The following SORCS2 variants were observed in gnomAD, a reference collection of about 807,000 sequenced individuals.
SORCS2 encodes the protein VPS10 domain-containing receptor SorCS2.
A neutral mutation model predicts 141.6 loss-of-function variants in SORCS2; 100 were observed. The ratio of observed to expected loss-of-function variants is 0.71; its 90% CI spans 0.60 to 0.83. The LOEUF (loss-of-function observed/expected upper bound fraction) is 0.83. Among genes scored for constraint, SORCS2 ranks in the 40% least tolerant of loss-of-function variants. The pLI is 0.00. For synonymous variants in SORCS2, 789 were observed against 676.9 expected, an observed-to-expected ratio of 1.17 and a Z score of -2.57; for missense variants, 1,646 against 1,560.2, an observed-to-expected ratio of 1.05 and a Z score of -0.93.
intron 1 of SORCS2, among the ~76,000 whole-genome samples, chr4:7,245,398 C>T (rs937322574): frequency 1.3e-5 from 2 of 152,236 alleles, no homozygotes; most frequent in South Asian, 2.1e-4. Context: ...CGTTTCAGGA[C>T]TGATATGGAA....
intron 3 of SORCS2, among the ~76,000 whole-genome samples, chr4:7,543,671 TCCATCCAC>T (rs1577723638): frequency 1.5e-4 from 15 of 102,758 alleles, no homozygotes; most frequent in East Asian, 1.4e-3. Context: ...CACCCATCCA[TCCATCCAC>T]CCATCCACCC....
chr4:7,245,720 G>T (rs1025807547), intron 1 of SORCS2, among the ~76,000 whole-genome samples: 1 of 152,196 alleles, frequency 6.6e-6, no homozygotes, highest in Non-Finnish European at 1.5e-5. Context: ...TGGGGCAAGC[G>T]CTTGGTGAGT....
At chr4:7,350,985 C>T (rs1046698210) in intron 1 of SORCS2, among the ~76,000 whole-genome samples, 10 of 152,130 alleles carry the variant, frequency 6.6e-5, no homozygotes, top group African/African-American at 2.4e-4. Context: ...CACACGTGGT[C>T]GGGGTGGGGC....
Position 7,434,153 on chromosome 4 carries a change from G to A in SORCS2, c.548+37798G>A, listed in dbSNP as rs376998504. 216 of 1,613,834 alleles carry A rather than the reference G, an allele frequency of 1.3e-4. No homozygotes were observed. The highest frequency in any genetic ancestry group is 1.8e-4 in the Non-Finnish European group (210 of 1,179,882). On this transcript the variant is annotated intron_variant, in intron 2 of 26. Coordinates refer to ENST00000507866, the MANE Select transcript of SORCS2 (RefSeq NM_020777.3). ...CCCTTCCTGCAGAGCTCCTGCGGGGGGAGAAGCCTCAGTGCTTGGTCAGCA... is the reference window on the plus strand; with the variant it reads ...CCCTTCCTGCAGAGCTCCTGCGGGGAGAGAAGCCTCAGTGCTTGGTCAGCA...
At chr4:7,524,341 G>C (rs10937833) in intron 2 of SORCS2, among the ~76,000 whole-genome samples, 37,680 of 151,994 alleles carry the variant, frequency 0.25, 4,907 homozygotes, top group Middle Eastern at 0.31. Flanking sequence ...GGAGCCTCCA[G>C]AGGGAGCTCA....
rs192072022 is a variant in SORCS2, at chr4:7,392,988, C to T, written c.481-3300C>T. Among the ~76,000 whole-genome samples, 17 of 152,238 alleles carry T rather than the reference C, an allele frequency of 1.1e-4. No individual in the cohort carries two copies. The East Asian group carries it at 1.9e-3, about 17-fold the overall frequency. ...GATTTGGAACCCAGCACCCTGGCTC[C>T]CTGGCCCATTTGGTGACATGGCTTT... On this transcript the variant is annotated intron_variant, in intron 1 of 26. Coordinates refer to ENST00000507866, the MANE Select transcript of SORCS2 (RefSeq NM_020777.3).
At chr4:7,206,045 CAAAACAAAAACA>C (rs537967545) in intron 1 of SORCS2, among the ~76,000 whole-genome samples, 3 of 151,822 alleles carry the variant, frequency 2.0e-5, no homozygotes, top group Admixed American at 6.6e-5. Flanking sequence ...GACTCCATCT[CAAAACAAAAACA>C]AAAACAAAAA....
At chr4:7,662,093 C>T (rs1295275265) in intron 6 of SORCS2, among the ~76,000 whole-genome samples, 2 of 152,170 alleles carry the variant, frequency 1.3e-5, no homozygotes, top group Non-Finnish European at 1.5e-5. Context: ...GGCCCGAGGC[C>T]AGTCACCCCA....
intron 3 of SORCS2, among the ~76,000 whole-genome samples, chr4:7,610,182 G>A (rs1020272049): frequency 6.6e-5 from 10 of 152,184 alleles, no homozygotes; most frequent in South Asian, 2.1e-4. Context: ...AATGTGTTCC[G>A]AAGATGCAAT....
chr4:7,358,016 C>T (rs974213631), intron 1 of SORCS2, among the ~76,000 whole-genome samples: 2 of 152,178 alleles, frequency 1.3e-5, no homozygotes, highest in African/African-American at 2.4e-5. Flanking sequence ...TATTTGTGTA[C>T]CCCCCATTCC....
intron 3 of SORCS2, among the ~76,000 whole-genome samples, chr4:7,581,789 T>C (rs1716174741): frequency 6.6e-6 from 1 of 152,242 alleles, no homozygotes; most frequent in Non-Finnish European, 1.5e-5. Context: ...AGAGTCTGGA[T>C]GCTAGGCCCT....
intron 3 of SORCS2, among the ~76,000 whole-genome samples, chr4:7,572,411 T>A (rs1715464608): frequency 6.7e-6 from 1 of 148,940 alleles, no homozygotes; most frequent in African/African-American, 2.6e-5. Flanking sequence ...CGTTTAATCA[T>A]TTAAACGTAA....
intron 2 of SORCS2, among the ~76,000 whole-genome samples, chr4:7,464,014 G>A (rs974387304): frequency 5.9e-5 from 9 of 152,194 alleles, no homozygotes; most frequent in Non-Finnish European, 2.9e-5. Context: ...GGAACTGACT[G>A]TGAACCCAAG....
intron 25 of SORCS2, among the ~76,000 whole-genome samples, chr4:7,735,848 C>T (rs1168224854): frequency 2.6e-5 from 4 of 152,220 alleles, no homozygotes; most frequent in African/African-American, 4.8e-5. Context: ...AGCCTATATC[C>T]CATGGCCACT....
At chr4:7,616,884 GT>G (rs2108819534) in intron 3 of SORCS2, among the ~76,000 whole-genome samples, 1 of 152,304 alleles carries the variant, frequency 6.6e-6, no homozygotes, top group African/African-American at 2.4e-5. Context: ...CTCTGCGATG[GT>G]GCAGACTGCT....
At position 7,704,950 on chromosome 4, in the gene SORCS2, C is replaced by T. The variant is rs75790302; in HGVS notation, c.1868+666C>T. Among the ~76,000 whole-genome samples the T allele has an allele frequency of 6.2e-3, 942 of 152,240 alleles. 21 individuals carry two copies. In the East Asian group the frequency reaches 0.073, roughly 12 times the overall value. On this transcript the variant is annotated intron_variant, in intron 14 of 26. Coordinates refer to ENST00000507866, the MANE Select transcript of SORCS2 (RefSeq NM_020777.3). ...GCTCCTGCGACCCCGCGCTGTGGCACGGTGAGGCCACCGTGTCCTCTTCCT... is the reference window on the plus strand; with the variant it reads ...GCTCCTGCGACCCCGCGCTGTGGCATGGTGAGGCCACCGTGTCCTCTTCCT...
intron 2 of SORCS2, among the ~76,000 whole-genome samples, chr4:7,426,684 CT>C (rs1240889575): frequency 6.6e-6 from 1 of 152,138 alleles, no homozygotes; most frequent in Non-Finnish European, 1.5e-5. Flanking sequence ...CATTTCCTCC[CT>C]GGACAAACCC....
intron 1 of SORCS2, among the ~76,000 whole-genome samples, chr4:7,340,802 C>T (rs149154419): frequency 5.4e-4 from 82 of 152,344 alleles, no homozygotes; most frequent in African/African-American, 1.3e-3. Flanking sequence ...TCCCATCCTG[C>T]GCTTGGGACC....
chr4:7,214,473 C>G (rs1233974539), intron 1 of SORCS2, among the ~76,000 whole-genome samples: 6 of 152,198 alleles, frequency 3.9e-5, no homozygotes, highest in Non-Finnish European at 7.3e-5. Context: ...AACTTCTGTT[C>G]TTTATAAATG....
Sources: gnomAD v4.1 joint callset for allele counts (sites outside exome capture counted in the v4.1 genomes callset) on GRCh38, gnomAD v4.1.1 for gene constraint, MANE v1.5 for transcripts, NCBI Gene and HGNC (gene_info 2026-07-23, HGNC 2026-07-21) for gene names.